Variants in INPP5A observed in about 807,000 individuals in gnomAD.
The protein encoded by INPP5A is 43 kDa inositol polyphosphate 5-phophatase.
Under a neutral mutation model 65.2 loss-of-function variants are expected in INPP5A, and 14 were observed. That is an observed-to-expected ratio of 0.21 (90% CI 0.14 to 0.34). The LOEUF is 0.34. INPP5A is among the 10% of genes least tolerant of loss of function. INPP5A has a pLI of 1.00. For missense variants in INPP5A, 431 were observed against 545.6 expected (o/e 0.79, Z 2.09); for synonymous variants, 207 against 208.3 (o/e 0.99, Z 0.05).
chr10:132,725,322 T>A (rs554395329), intron 8 of INPP5A, among the ~76,000 whole-genome samples: 7 of 152,172 alleles, frequency 4.6e-5, no homozygotes, highest in Non-Finnish European at 8.8e-5. Flanking sequence ...CCGTCCTCCC[T>A]CGCTCTGGTC....
chr10:132,663,773 G>T lies in INPP5A; in HGVS notation c.306+13268G>T, dbSNP rs1415289318. Among the ~76,000 whole-genome samples, 1 of 152,090 alleles carries T rather than the reference G, an allele frequency of 6.6e-6. No individual in the cohort carries two copies. Among genetic ancestry groups the T allele is most frequent in the Non-Finnish European group, 1.5e-5 (1 of 68,012 alleles). ...TCCCTGGTGCTCTGTGAGCAGATTCGCCCCTAGGGGTGAAGTCATCTCGCT... is the reference window on the plus strand; with the variant it reads ...TCCCTGGTGCTCTGTGAGCAGATTCTCCCCTAGGGGTGAAGTCATCTCGCT... On this transcript the variant is annotated intron_variant, in intron 4 of 15. Coordinates refer to ENST00000368594, the MANE Select transcript of INPP5A (RefSeq NM_005539.5). This position sits in a 1 kb window ranked among gnomAD's most constrained non-coding sequence, Gnocchi z 4.5.
chr10:132,747,620 G>A (rs1034537679), intron 9 of INPP5A, among the ~76,000 whole-genome samples: 2 of 152,242 alleles, frequency 1.3e-5, no homozygotes, highest in South Asian at 2.1e-4. Flanking sequence ...CCCGGCCAGC[G>A]CCCGGGGCAC....
At chr10:132,582,123 G>A (rs1203255359) in intron 1 of INPP5A, among the ~76,000 whole-genome samples, 1 of 152,132 alleles carries the variant, frequency 6.6e-6, no homozygotes, top group Non-Finnish European at 1.5e-5. Context: ...ACAGGTATGA[G>A]CCACTGCGCC....
At chr10:132,565,863 G>A (rs553652725) in intron 1 of INPP5A, among the ~76,000 whole-genome samples, 12 of 152,276 alleles carry the variant, frequency 7.9e-5, no homozygotes, top group South Asian at 2.1e-4. Flanking sequence ...GTGTGTTTGT[G>A]TGTGCCATTT....
At chr10:132,760,045 C>T (rs1195573950) in intron 11 of INPP5A, among the ~76,000 whole-genome samples, 1 of 152,214 alleles carries the variant, frequency 6.6e-6, no homozygotes, top group Non-Finnish European at 1.5e-5. Context: ...CCACCCTGGG[C>T]GATAGCCACA....
At chr10:132,694,336 T>C (rs929079866) in intron 5 of INPP5A, among the ~76,000 whole-genome samples, 55 of 152,140 alleles carry the variant, frequency 3.6e-4, no homozygotes, top group African/African-American at 1.0e-3. Context: ...AATGAAAACG[T>C]AAATACAGCT....
At chr10:132,560,172 T>TGTA (rs2133267700) in intron 1 of INPP5A, among the ~76,000 whole-genome samples, 2 of 151,724 alleles carry the variant, frequency 1.3e-5, no homozygotes, top group South Asian at 4.2e-4. Flanking sequence ...CTCTCTTGGG[T>TGTA]GTAGACCTGC....
intron 2 of INPP5A, among the ~76,000 whole-genome samples, chr10:132,640,850 T>C (rs1164988000): frequency 6.6e-6 from 1 of 152,226 alleles, no homozygotes; most frequent in East Asian, 1.9e-4. Flanking sequence ...CCCCACACAG[T>C]GTCCGTGGTC....
intron 6 of INPP5A, among the ~76,000 whole-genome samples, chr10:132,700,353 G>A (rs1350246914): frequency 1.3e-5 from 2 of 152,118 alleles, no homozygotes; most frequent in Non-Finnish European, 2.9e-5. Flanking sequence ...CCTGCCCTGG[G>A]CCGAGGCCTC....
intron 11 of INPP5A, among the ~76,000 whole-genome samples, chr10:132,760,128 G>A (rs535148355): frequency 2.2e-4 from 33 of 152,332 alleles, no homozygotes; most frequent in Non-Finnish European, 4.0e-4. Context: ...CCAGCTACTC[G>A]TTCCCTCTGC....
rs1295022595 is a variant in INPP5A, at chr10:132,741,711, C to T, written c.733-7806C>T. Among the ~76,000 whole-genome samples, 1 of 151,248 alleles carries T rather than the reference C, an allele frequency of 6.6e-6. No individual in the cohort carries two copies. The highest frequency in any genetic ancestry group is 1.5e-5 in the Non-Finnish European group (1 of 67,846). ...AATAGCCAATGTAAACTGAGGTGGACGTCAGTATCTGTGTCCGCTTGCTTT... is the reference window on the plus strand; with the variant it reads ...AATAGCCAATGTAAACTGAGGTGGATGTCAGTATCTGTGTCCGCTTGCTTT... On this transcript the variant is annotated intron_variant, in intron 9 of 15. Transcript: ENST00000368594. The surrounding 1 kb of genome is among the most constrained non-coding windows in gnomAD (Gnocchi z 4.4).
chr10:132,630,889 C>G (rs1248308703), intron 2 of INPP5A, among the ~76,000 whole-genome samples: 1 of 152,200 alleles, frequency 6.6e-6, no homozygotes, highest in Non-Finnish European at 1.5e-5. Context: ...GGTTAGAGCC[C>G]TGCGTTTCCA....
At chr10:132,621,808 T>A (rs1265692463) in intron 2 of INPP5A, among the ~76,000 whole-genome samples, 1 of 151,034 alleles carries the variant, frequency 6.6e-6, no homozygotes, top group Non-Finnish European at 1.5e-5. Context: ...TTTAAATCTG[T>A]GTAGCTGTCT....
chr10:132,652,354 G>A (rs1213729320), intron 4 of INPP5A, among the ~76,000 whole-genome samples: 2 of 152,238 alleles, frequency 1.3e-5, no homozygotes, highest in Non-Finnish European at 2.9e-5. Context: ...AACACGTGTG[G>A]CTGCAGCCCC....
At chr10:132,654,236 T>G (rs1243997451) in intron 4 of INPP5A, among the ~76,000 whole-genome samples, 1 of 152,246 alleles carries the variant, frequency 6.6e-6, no homozygotes, top group Non-Finnish European at 1.5e-5. Flanking sequence ...CTCAGTGGGC[T>G]CCAGCCCCGG....
rs1053956825 is a variant in INPP5A at position 132,545,246 on chromosome 10, G to A, written c.75+7075G>A. ...GTGTTTCCGTGGACTTGTTGGGTCT[G>A]ATTCAGAAGTTACAGAAATCCAGAC... On this transcript the variant is annotated intron_variant, in intron 1 of 15. Coordinates refer to ENST00000368594, the MANE Select transcript of INPP5A (RefSeq NM_005539.5). The surrounding 1 kb of genome is among the most constrained non-coding windows in gnomAD (Gnocchi z 4.6). 6.6e-6 allele frequency among the ~76,000 whole-genome samples: 1 copy of A among 152,160 alleles called. No individual in the cohort carries two copies. Among genetic ancestry groups the A allele is most frequent in the African/African-American group, 2.4e-5 (1 of 41,426 alleles).
intron 9 of INPP5A, among the ~76,000 whole-genome samples, chr10:132,746,148 G>A (rs2134629889): frequency 6.6e-6 from 1 of 152,358 alleles, no homozygotes; most frequent in Middle Eastern, 3.4e-3. Flanking sequence ...TGGACACCTG[G>A]TGATTCCAGG....
chr10:132,692,670 TAAG>T (rs1489403364), intron 5 of INPP5A, among the ~76,000 whole-genome samples: 2 of 152,334 alleles, frequency 1.3e-5, no homozygotes, highest in East Asian at 3.9e-4. Context: ...TAAAGCATTA[TAAG>T]AAGAAGAATA....
rs573748987 is a variant in INPP5A, at chr10:132,644,504, G to A, written c.118-1364G>A. ...CTGCCCACTTGCTCAGCTGCGCCCT[G>A]GACCGTGGCCGCTGGGCTCCTGGGA... On this transcript the variant is annotated intron_variant, in intron 2 of 15. Coordinates refer to ENST00000368594, the MANE Select transcript of INPP5A (RefSeq NM_005539.5). This position sits in a 1 kb window ranked among gnomAD's most constrained non-coding sequence, Gnocchi z 6.5. 6.6e-6 allele frequency among the ~76,000 whole-genome samples: 1 copy of A among 152,366 alleles called. No homozygotes were observed. Among genetic ancestry groups the A allele is most frequent in the African/African-American group, 2.4e-5 (1 of 41,592 alleles).
Sources: gnomAD v4.1 joint callset for allele counts (sites outside exome capture counted in the v4.1 genomes callset) on GRCh38, gnomAD v4.1.1 for gene constraint, Gnocchi (gnomAD v3.1) non-coding constraint, MANE v1.5 for transcripts, NCBI Gene and HGNC (gene_info 2026-07-23, HGNC 2026-07-21) for gene names.